The following PLCE1 variants were observed in gnomAD, a reference collection of about 807,000 sequenced individuals.
PLCE1 encodes 1-phosphatidylinositol 4,5-bisphosphate phosphodiesterase epsilon-1.
In PLCE1, 119 loss-of-function variants were observed where a neutral mutation model predicts 242.8. The observed-to-expected ratio is 0.49, with a 90% CI of 0.42 to 0.57. The LOEUF is 0.57. Among genes scored for constraint, PLCE1 ranks in the 20% least tolerant of loss-of-function variants. PLCE1 has a pLI of 0.00. For missense variants in PLCE1, 2,441 were observed against 2,788.8 expected (o/e 0.88, Z 2.81); for synonymous variants, 945 against 1,017.4 (o/e 0.93, Z 1.35).
chr10:94,115,192 G>T (rs371474722), intron 2 of PLCE1, among the ~76,000 whole-genome samples: 37 of 152,194 alleles, frequency 2.4e-4, no homozygotes, highest in African/African-American at 8.9e-4. Context: ...GTTGGTTCCA[G>T]GTCTTTGCTA....
At chr10:94,256,001 C>T (rs1347305711) in intron 11 of PLCE1, among the ~76,000 whole-genome samples, 3 of 149,118 alleles carry the variant, frequency 2.0e-5, no homozygotes, top group African/African-American at 7.4e-5. Context: ...CTCTTTCTCC[C>T]TTTCTCTCTC....
At chr10:94,122,619 C>T (rs1180490321) in intron 2 of PLCE1, among the ~76,000 whole-genome samples, 5 of 151,936 alleles carry the variant, frequency 3.3e-5, no homozygotes, top group Admixed American at 6.6e-5. Flanking sequence ...GGCCTTGAGG[C>T]GTATAGAGAT....
At chr10:94,209,366 A>C (rs2049262824) in intron 4 of PLCE1, among the ~76,000 whole-genome samples, 1 of 152,346 alleles carries the variant, frequency 6.6e-6, no homozygotes, top group African/African-American at 2.4e-5. Flanking sequence ...TTTTTCCAGC[A>C]CTTTGAAAAA....
chr10:94,291,995 G>A (rs2133437251), intron 22 of PLCE1, among the ~76,000 whole-genome samples: 1 of 152,246 alleles, frequency 6.6e-6, no homozygotes, highest in East Asian at 1.9e-4. Flanking sequence ...ATATTGACAT[G>A]TGGCAGGATA....
chr10:94,257,861 G>T (rs1025771132), intron 11 of PLCE1, among the ~76,000 whole-genome samples: 1 of 152,134 alleles, frequency 6.6e-6, no homozygotes, highest in Admixed American at 6.5e-5. Flanking sequence ...CATGGCACAT[G>T]TATACATATG....
At chr10:94,288,372 C>A (rs2133386644) in intron 22 of PLCE1, among the ~76,000 whole-genome samples, 1 of 152,296 alleles carries the variant, frequency 6.6e-6, no homozygotes, top group South Asian at 2.1e-4. Context: ...GGGTCAGAGA[C>A]CTGGGCTCTT....
intron 1 of PLCE1, among the ~76,000 whole-genome samples, chr10:94,022,358 T>A (rs910408721): frequency 6.6e-6 from 1 of 151,850 alleles, no homozygotes; most frequent in South Asian, 2.1e-4. Flanking sequence ...TACAGATAAA[T>A]AAAAAACATT....
chr10:94,023,017 G>A, intron 1 of PLCE1, among the ~76,000 whole-genome samples: 1 of 152,098 alleles, frequency 6.6e-6, no homozygotes. Context: ...CTGTGAGGGG[G>A]CCCTATATTA....
chr10:94,273,506 A>G (rs1336099961), intron 18 of PLCE1, 56 bp from the exon 19 acceptor site: 2 of 1,430,268 alleles, frequency 1.4e-6, no homozygotes, highest in African/African-American at 2.8e-5. Flanking sequence ...GTGTACATAT[A>G]TTTATCAATT....
chr10:94,256,128 AC>A (rs1035405002), intron 11 of PLCE1, among the ~76,000 whole-genome samples: 2 of 151,654 alleles, frequency 1.3e-5, no homozygotes, highest in African/African-American at 4.8e-5. Context: ...GGAATTCGAG[AC>A]CAGCCTGAGC....
chr10:94,203,290 C>T (rs560543998), intron 4 of PLCE1, among the ~76,000 whole-genome samples: 3 of 152,142 alleles, frequency 2.0e-5, no homozygotes, highest in Non-Finnish European at 2.9e-5. Context: ...ACTTATGAAC[C>T]CCTATCAGAT....
intron 4 of PLCE1, among the ~76,000 whole-genome samples, chr10:94,185,661 T>C (rs1351802022): frequency 6.6e-6 from 1 of 152,206 alleles, no homozygotes; most frequent in Non-Finnish European, 1.5e-5. Flanking sequence ...TTAAACAAGA[T>C]AACATATATA....
intron 3 of PLCE1, among the ~76,000 whole-genome samples, chr10:94,136,865 C>T (rs1480480458): frequency 2.6e-5 from 4 of 152,156 alleles, no homozygotes; most frequent in African/African-American, 7.2e-5. Flanking sequence ...GCGCCTTTAC[C>T]TTTCAGTCAG....
chr10:94,050,250 C>T (rs898547112), intron 2 of PLCE1, among the ~76,000 whole-genome samples: 1 of 152,094 alleles, frequency 6.6e-6, no homozygotes, highest in African/African-American at 2.4e-5. Flanking sequence ...GCTTAGGAAA[C>T]TTACAATCAG....
At chr10:94,271,602 C>T (rs2051742241) in intron 18 of PLCE1, among the ~76,000 whole-genome samples, 1 of 152,066 alleles carries the variant, frequency 6.6e-6, no homozygotes, top group Admixed American at 6.5e-5. Context: ...ACGTGAGGCA[C>T]CGCACCCAGC....
rs201137967 is a variant in PLCE1, at chr10:94,308,735, G to C, written c.6003+36G>C. 246 of 1,349,590 alleles carry C rather than the reference G, an allele frequency of 1.8e-4. 2 individuals carry two copies. Among genetic ancestry groups the C allele is most frequent in the Admixed American group, 6.7e-5 (4 of 59,726 alleles). 83.6% of individuals were successfully genotyped at this position (1,349,590 alleles called of 1,614,324 possible). On this transcript the variant is annotated intron_variant, in intron 27 of 32. Transcript: ENST00000371380. ...TCTGTTTCACTCAACATATTTATGGGGATTGCTACACTGAAGGTGGGCTTT... is the reference window on the plus strand; with the variant it reads ...TCTGTTTCACTCAACATATTTATGGCGATTGCTACACTGAAGGTGGGCTTT...
intron 3 of PLCE1, among the ~76,000 whole-genome samples, chr10:94,149,522 G>A (rs1326746390): frequency 6.6e-6 from 1 of 152,208 alleles, no homozygotes; most frequent in East Asian, 1.9e-4. Context: ...AACTAAAAGT[G>A]TGGTCCCAGA....
chr10:94,014,295 A>T (rs1365751630), intron 1 of PLCE1, among the ~76,000 whole-genome samples: 1 of 152,100 alleles, frequency 6.6e-6, no homozygotes, highest in African/African-American at 2.4e-5. Flanking sequence ...AACAAAATTG[A>T]TCATCTTAAC....
intron 28 of PLCE1, among the ~76,000 whole-genome samples, chr10:94,314,679 G>C (rs566905508): frequency 6.6e-6 from 1 of 152,310 alleles, no homozygotes; most frequent in South Asian, 2.1e-4. Flanking sequence ...AGCTCCCTCT[G>C]AAGTTAGGGT....
Sources: allele counts gnomAD v4.1 joint callset (sites outside exome capture counted in the v4.1 genomes callset), GRCh38; gene constraint gnomAD v4.1.1; transcripts MANE v1.5; gene names NCBI Gene and HGNC (gene_info 2026-07-23, HGNC 2026-07-21).